Variants in RAP1GAP2 observed in about 807,000 individuals in gnomAD.
RAP1GAP2 encodes the protein rap1 GTPase-activating protein 2.
Under a neutral mutation model 95.0 loss-of-function variants are expected in RAP1GAP2, and 27 were observed. That is an observed-to-expected ratio of 0.28 (90% confidence interval 0.21 to 0.39). The LOEUF (loss-of-function observed/expected upper bound fraction) is 0.39. RAP1GAP2 is among the 10% of genes least tolerant of loss of function. The pLI, the probability that RAP1GAP2 is intolerant of heterozygous loss-of-function variation, is 1.00. For synonymous variants in RAP1GAP2, 373 were observed against 380.9 expected, an observed-to-expected ratio of 0.98 and a Z score of 0.24; for missense variants, 771 against 970.0, an observed-to-expected ratio of 0.79 and a Z score of 2.72.
At chr17:3,018,280 C>A in intron 18 of RAP1GAP2, 82 bp downstream of exon 18, 1 of 1,467,522 alleles carries the variant, frequency 6.8e-7, no homozygotes, top group Non-Finnish European at 9.0e-7. Flanking sequence ...TGCCCCCACC[C>A]AGGCTTGGGC....
At chr17:2,891,218 G>C (rs765643801) in intron 2 of RAP1GAP2, among the ~76,000 whole-genome samples, 1 of 151,616 alleles carries the variant, frequency 6.6e-6, no homozygotes, top group African/African-American at 2.4e-5. Flanking sequence ...CACATTCATG[G>C]CTTACTACAG....
At chr17:2,782,783 AG>A (rs2068688326) in intron 1 of RAP1GAP2, among the ~76,000 whole-genome samples, 1 of 152,196 alleles carries the variant, frequency 6.6e-6, no homozygotes, top group South Asian at 2.1e-4. Context: ...TGGGAGGCCA[AG>A]GTGAGTGGAT....
intron 1 of RAP1GAP2, among the ~76,000 whole-genome samples, chr17:2,781,736 G>A (rs985023074): frequency 2.1e-5 from 3 of 141,792 alleles, no homozygotes; most frequent in South Asian, 2.3e-4. Context: ...GTGTGTGCAC[G>A]TCTCTGTGTG....
chr17:2,809,666 C>T lies in RAP1GAP2; in HGVS notation c.80+9116C>T, dbSNP rs559205328. 4.7e-4 allele frequency among the ~76,000 whole-genome samples: 72 copies of T among 152,336 alleles called. 1 individual carries two copies. Among genetic ancestry groups the T allele is most frequent in the Non-Finnish European group, 3.7e-4 (25 of 68,026 alleles). ...GTGGAAGAGGCCAGAGGGCTCTGCC[C>T]GGCTCGCTGGGAGCTGGATTTGGCC... is the stretch of plus-strand genomic sequence containing the variant. On this transcript the variant is annotated intron_variant, in intron 2 of 24. Coordinates refer to ENST00000254695, the MANE Select transcript of RAP1GAP2 (RefSeq NM_015085.5).
chr17:2,817,818 G>T lies in RAP1GAP2; in HGVS notation c.80+17268G>T, dbSNP rs1384927574. Among the ~76,000 whole-genome samples, 2 of 120,146 alleles carry T rather than the reference G, an allele frequency of 1.7e-5. 1 individual carries two copies. Among genetic ancestry groups the T allele is most frequent in the Non-Finnish European group, 4.0e-5 (2 of 50,070 alleles). The allele number at this position is 120,146 out of a possible 152,430, so 78.8% of individuals were successfully genotyped here. ...TTACAGGCATGAGCCACTGCGTCTG[G>T]CCTCTATGTTTAATTGTTTTTGTTT... On this transcript the variant is annotated intron_variant, in intron 2 of 24. Coordinates refer to ENST00000254695, the MANE Select transcript of RAP1GAP2 (RefSeq NM_015085.5).
At chr17:2,894,903 TC>T (rs942797986) in intron 2 of RAP1GAP2, among the ~76,000 whole-genome samples, 10 of 152,262 alleles carry the variant, frequency 6.6e-5, no homozygotes, top group African/African-American at 2.2e-4. Context: ...CCGTTCTCTC[TC>T]TGCTGCTTGC....
Position 2,906,276 on chromosome 17 carries a change from C to T in RAP1GAP2, c.165+908C>T, listed in dbSNP as rs982714598. 1.3e-5 allele frequency among the ~76,000 whole-genome samples: 2 copies of T among 152,190 alleles called. No individual in the cohort carries two copies. The highest frequency in any genetic ancestry group is 2.9e-5 in the Non-Finnish European group (2 of 68,032). ...ATCTCTTCCTCACTGCTCTGCATCA[C>T]CCCTCCTCTTCCCTGAACCTAATCT... On this transcript the variant is annotated intron_variant, in intron 3 of 24. Coordinates refer to ENST00000254695, the MANE Select transcript of RAP1GAP2 (RefSeq NM_015085.5). The surrounding 1 kb of genome is among the most constrained non-coding windows in gnomAD (Gnocchi z 4.3).
In RAP1GAP2 at chr17:2,967,821, A is replaced by G. The variant is rs112486507; in HGVS notation, c.596+2178A>G. Among the ~76,000 whole-genome samples, 690 of 152,282 alleles carry G rather than the reference A, an allele frequency of 4.5e-3. 4 individuals carry two copies. The highest frequency in any genetic ancestry group is 0.024 in the Middle Eastern group (7 of 294). On this transcript the variant is annotated intron_variant, in intron 8 of 24. Coordinates refer to ENST00000254695, the MANE Select transcript of RAP1GAP2 (RefSeq NM_015085.5). ...TGTCCAAACTTCTTCCTCATTCCCC[A>G]TAGGCTTCTGGATTTTTTAACGGAT...
At chr17:2,993,257 C>T (rs535624149) in intron 12 of RAP1GAP2, among the ~76,000 whole-genome samples, 77 of 149,424 alleles carry the variant, frequency 5.2e-4, no homozygotes, top group African/African-American at 1.8e-3. Context: ...AGTGTCAGCC[C>T]TAAAAGGTTT....
At chr17:2,918,647 G>A (rs940877164) in intron 3 of RAP1GAP2, among the ~76,000 whole-genome samples, 1 of 151,984 alleles carries the variant, frequency 6.6e-6, no homozygotes, top group African/African-American at 2.4e-5. Context: ...ACCAGAGCTC[G>A]TGAGAATTCA....
chr17:2,787,877 T>C (rs1267183700), intron 1 of RAP1GAP2, among the ~76,000 whole-genome samples: 1 of 152,218 alleles, frequency 6.6e-6, no homozygotes, highest in Non-Finnish European at 1.5e-5. Context: ...TGTGCCTGTT[T>C]TTTAAAACTT....
intron 17 of RAP1GAP2, among the ~76,000 whole-genome samples, chr17:3,017,289 C>G (rs2046800791): frequency 1.3e-5 from 2 of 152,082 alleles, no homozygotes; most frequent in South Asian, 4.2e-4. Flanking sequence ...TGCCAGTGTG[C>G]CCCTTGCTCC....
rs113917083 is a variant in RAP1GAP2, at chr17:2,829,885, C to T, written c.80+29335C>T. Among the ~76,000 whole-genome samples, 745 of 145,808 alleles carry T rather than the reference C, an allele frequency of 5.1e-3. 3 individuals carry two copies. Among genetic ancestry groups the T allele is most frequent in the African/African-American group, 0.018 (689 of 39,024 alleles). Reference sequence around the variant, plus strand: ...CAGGCTAGTCTTGAATTCCTGGCTTCAAGAGATCCTTCTGCCTCAGTCTCT... The same window carrying T: ...CAGGCTAGTCTTGAATTCCTGGCTTTAAGAGATCCTTCTGCCTCAGTCTCT... On this transcript the variant is annotated intron_variant, in intron 2 of 24. Transcript: ENST00000254695.
chr17:2,830,088 A>G (rs190096681), intron 2 of RAP1GAP2, among the ~76,000 whole-genome samples: 43 of 152,302 alleles, frequency 2.8e-4, no homozygotes, highest in Middle Eastern at 3.4e-3. Context: ...GTTGAATGTA[A>G]GTAAGAGTTT....
At position 2,865,705 on chromosome 17, in the gene RAP1GAP2, G is replaced by A. The variant is rs72819203; in HGVS notation, c.81-39579G>A. On this transcript the variant is annotated intron_variant, in intron 2 of 24. Coordinates refer to ENST00000254695, the MANE Select transcript of RAP1GAP2 (RefSeq NM_015085.5). ...CAGCAATAAATGCCCCTTGTGGATG[G>A]CCAGAAGGTCCCCCAAGGGTATGGC... Among the ~76,000 whole-genome samples, 369 of 152,284 alleles carry A rather than the reference G, an allele frequency of 2.4e-3. 1 individual carries two copies. The highest frequency in any genetic ancestry group is 4.4e-3 in the Non-Finnish European group (301 of 68,024).
chr17:2,899,409 C>T (rs372125825), intron 2 of RAP1GAP2, among the ~76,000 whole-genome samples: 2 of 152,008 alleles, frequency 1.3e-5, no homozygotes, highest in African/African-American at 2.4e-5. Context: ...GACGGGGTTT[C>T]ACCATGTTAG....
chr17:3,014,780 C>T (rs549474060), intron 17 of RAP1GAP2, among the ~76,000 whole-genome samples: 251 of 152,298 alleles, frequency 1.6e-3, no homozygotes, highest in African/African-American at 5.7e-3. Context: ...TGGTCTCGAA[C>T]TCCTGACCTC....
At position 3,005,243 on chromosome 17, in the gene RAP1GAP2, T is replaced by C; in HGVS notation, c.1201-126T>C. Reference sequence around the variant, plus strand: ...CCTGTGCTGGCGATGCTCACAGGAGTATTTTGTTTGTGTTCTGGGAAGAGG... The same window carrying C: ...CCTGTGCTGGCGATGCTCACAGGAGCATTTTGTTTGTGTTCTGGGAAGAGG... On this transcript the variant is annotated intron_variant, in intron 14 of 24. Coordinates refer to ENST00000254695, the MANE Select transcript of RAP1GAP2 (RefSeq NM_015085.5). The surrounding 1 kb of genome is among the most constrained non-coding windows in gnomAD (Gnocchi z 5.2). The C allele has an allele frequency of 1.1e-6, 1 of 947,258 alleles. No homozygotes were observed. Among genetic ancestry groups the C allele is most frequent in the South Asian group, 1.3e-5 (1 of 76,566 alleles). The allele number at this position is 947,258 out of a possible 1,614,324, so 58.7% of individuals were successfully genotyped here.
intron 2 of RAP1GAP2, among the ~76,000 whole-genome samples, chr17:2,832,204 C>CAAAA (rs55912847): frequency 1.0e-5 from 1 of 97,028 alleles, no homozygotes; most frequent in African/African-American, 4.9e-5. Flanking sequence ...ACTCTGTCTC[C>CAAAA]AAAAAAAAAA....
Sources: gnomAD v4.1 joint callset for allele counts (sites outside exome capture counted in the v4.1 genomes callset) on GRCh38, gnomAD v4.1.1 for gene constraint, Gnocchi (gnomAD v3.1) non-coding constraint, MANE v1.5 for transcripts, NCBI Gene and HGNC (gene_info 2026-07-23, HGNC 2026-07-21) for gene names.